Variants in DLC1 observed in about 807,000 individuals in gnomAD.
DLC1 encodes the protein rho GTPase-activating protein 7.
A neutral mutation model predicts 140.3 loss-of-function variants in DLC1; 54 were observed. The observed-to-expected ratio is 0.38, with a 90% confidence interval of 0.31 to 0.48. The LOEUF (loss-of-function observed/expected upper bound fraction) is 0.48. Among genes scored for constraint, DLC1 ranks in the 20% least tolerant of loss-of-function variants. The probability of loss-of-function intolerance (pLI) is 0.96; values close to 1 mark genes in which losing one functional copy is unlikely to be tolerated. For synonymous variants in DLC1, 986 were observed against 728.1 expected (o/e 1.35, Z -5.70); for missense variants, 2,536 against 1,907.0 (o/e 1.33, Z -6.14).
intron 7 of DLC1, among the ~76,000 whole-genome samples, chr8:13,103,520 G>A (rs946284305): frequency 1.3e-5 from 2 of 151,724 alleles, no homozygotes; most frequent in African/African-American, 4.8e-5. Context: ...GAGCCATTAT[G>A]GACTGCCGCA....
rs1171707968 is a variant in DLC1, at chr8:13,219,106, TTA to T, written c.1348+86161_1348+86162del. ...ATTATATGTGAATGTAATTATATAA[TTA>T]TATGTGAATATAATTATATAATTAT... On this transcript the variant is annotated intron_variant, in intron 5 of 17. Coordinates refer to ENST00000276297, the MANE Select transcript of DLC1 (RefSeq NM_182643.3). Among the ~76,000 whole-genome samples, 24 of 124,182 alleles carry T rather than the reference TTA, an allele frequency of 1.9e-4. No individual in the cohort carries two copies. The South Asian group carries it at 4.8e-3, about 25-fold the overall frequency. The allele number at this position is 124,182 out of a possible 152,430, so 81.5% of individuals were successfully genotyped here.
At chr8:13,505,419 ATAATT>A (rs1253198701) in intron 1 of DLC1, among the ~76,000 whole-genome samples, 1 of 152,232 alleles carries the variant, frequency 6.6e-6, no homozygotes, top group Non-Finnish European at 1.5e-5. Flanking sequence ...ATAGCTAAAA[ATAATT>A]TAAAGTATTA....
At chr8:13,214,668 C>A (rs3739300) in intron 5 of DLC1, 13 of 779,906 alleles carry the variant, frequency 1.7e-5, no homozygotes, top group Non-Finnish European at 2.4e-5. Flanking sequence ...AAAGCCTCTT[C>A]TGGGGAAAGG....
intron 5 of DLC1, among the ~76,000 whole-genome samples, chr8:13,180,929 ACTT>A (rs1825994513): frequency 6.6e-6 from 1 of 152,040 alleles, no homozygotes; most frequent in Non-Finnish European, 1.5e-5. Flanking sequence ...CAGAATTTCT[ACTT>A]CTTACTCATT....
intron 1 of DLC1, among the ~76,000 whole-genome samples, chr8:13,556,101 A>T (rs117705186): frequency 6.0e-4 from 92 of 152,280 alleles, no homozygotes; most frequent in Admixed American, 5.0e-3. Context: ...GTGCTAGGGC[A>T]GTGCTTCTCA....
chr8:13,173,652 G>C (rs900520179), intron 5 of DLC1, among the ~76,000 whole-genome samples: 2 of 152,160 alleles, frequency 1.3e-5, no homozygotes, highest in Non-Finnish European at 2.9e-5. Flanking sequence ...TTACAGGCTT[G>C]AGCCACCGCG....
At chr8:13,122,584 C>T (rs1182095048) in intron 5 of DLC1, among the ~76,000 whole-genome samples, 1 of 152,040 alleles carries the variant, frequency 6.6e-6, no homozygotes, top group African/African-American at 2.4e-5. Context: ...TAAAAAACAA[C>T]CAACTGTTAA....
rs1017297597 is a variant in DLC1, at chr8:13,212,558, G to A, written c.1348+92711C>T. ...TGGTATTGCTCTGGGCACTCATTAT[G>A]CAACATAAAATTGATTTTCAAAATG... On this transcript the variant is annotated intron_variant, in intron 5 of 17. Transcript: ENST00000276297. Among the ~76,000 whole-genome samples the A allele has an allele frequency of 1.1e-4, 16 of 152,032 alleles. 1 individual carries two copies. Among genetic ancestry groups the A allele is most frequent in the Admixed American group, 9.8e-4 (15 of 15,232 alleles).
chr8:13,312,998 T>C (rs1410012098), intron 4 of DLC1, among the ~76,000 whole-genome samples: 1 of 152,158 alleles, frequency 6.6e-6, no homozygotes, highest in Non-Finnish European at 1.5e-5. Flanking sequence ...TCCCCTTCGA[T>C]GTTACACTCC....
intron 1 of DLC1, among the ~76,000 whole-genome samples, chr8:13,582,151 G>C (rs1805124476): frequency 6.6e-6 from 1 of 152,096 alleles, no homozygotes; most frequent in African/African-American, 2.4e-5. Flanking sequence ...GCGCTTCTAA[G>C]CTCTTTTTCC....
intron 4 of DLC1, among the ~76,000 whole-genome samples, chr8:13,309,754 C>G (rs1832594993): frequency 6.6e-6 from 1 of 152,128 alleles, no homozygotes; most frequent in Non-Finnish European, 1.5e-5. Flanking sequence ...GGAACTCACA[C>G]CAACCGCACA....
intron 5 of DLC1, among the ~76,000 whole-genome samples, chr8:13,236,281 T>A (rs1404452679): frequency 1.3e-5 from 2 of 152,122 alleles, no homozygotes; most frequent in Non-Finnish European, 2.9e-5. Context: ...TTCTATAGAC[T>A]TTAACGACTA....
rs1803998355 is a variant in DLC1 at position 13,555,186 on chromosome 8, TC to T, written c.-126+49350del. 2.6e-5 allele frequency among the ~76,000 whole-genome samples: 4 copies of T among 152,218 alleles called. No individual in the cohort carries two copies. The South Asian group carries it at 8.3e-4, about 31-fold the overall frequency. ...ACCACTGAATTTAAAATGACAATGC[TC>T]CTCAGAACTCCATTGAACTCTCTGC... On this transcript the variant is annotated intron_variant, in intron 1 of 1. Coordinates refer to the DLC1 transcript ENST00000631382.
chr8:13,112,628 A>C (rs1820210850), intron 6 of DLC1, among the ~76,000 whole-genome samples: 1 of 152,248 alleles, frequency 6.6e-6, no homozygotes, highest in African/African-American at 2.4e-5. Context: ...TAGTCAATGG[A>C]AACTGGAGCA....
intron 2 of DLC1, among the ~76,000 whole-genome samples, chr8:13,405,973 C>CTTTCTTTCTTTCT: frequency 1.4e-5 from 1 of 71,264 alleles, no homozygotes; most frequent in Non-Finnish European, 3.1e-5. Context: ...TTCTTTCTTT[C>CTTTCTTTCTTTCT]ATCTCTCTCT....
intron 4 of DLC1, among the ~76,000 whole-genome samples, chr8:13,315,060 A>G (rs972234621): frequency 6.6e-6 from 1 of 152,216 alleles, no homozygotes; most frequent in African/African-American, 2.4e-5. Flanking sequence ...GAGGGTGTGC[A>G]GAAATCTACT....
intron 5 of DLC1, among the ~76,000 whole-genome samples, chr8:13,194,092 A>T (rs1826915829): frequency 6.6e-6 from 1 of 152,228 alleles, no homozygotes; most frequent in Non-Finnish European, 1.5e-5. Flanking sequence ...CAGTTCACCA[A>T]AATCTGCATT....
chr8:13,372,145 A>AGTGT (rs56329029), intron 4 of DLC1, among the ~76,000 whole-genome samples: 31 of 150,220 alleles, frequency 2.1e-4, no homozygotes, highest in African/African-American at 6.1e-4. Flanking sequence ...TTCAAAAAAA[A>AGTGT]GTGTGTGTGT....
At chr8:13,388,090 A>T (rs1171038731) in intron 4 of DLC1, among the ~76,000 whole-genome samples, 1 of 152,072 alleles carries the variant, frequency 6.6e-6, no homozygotes, top group South Asian at 2.1e-4. Flanking sequence ...TCAGGAATTT[A>T]GTTGATTAAT....
Sources: allele counts gnomAD v4.1 joint callset (sites outside exome capture counted in the v4.1 genomes callset), GRCh38; gene constraint gnomAD v4.1.1; transcripts MANE v1.5; gene names NCBI Gene and HGNC (gene_info 2026-07-23, HGNC 2026-07-21).